TMCO6: variants seen among roughly 807,000 people sequenced by gnomAD.
The protein encoded by TMCO6 is transmembrane and coiled-coil domains 6, also known as transmembrane and coiled-coil domain-containing protein 6.
TMCO6 carries 47 observed loss-of-function variants against 61.8 expected under a neutral mutation model. The observed-to-expected ratio is 0.76, with a 90% CI of 0.60 to 0.97. The LOEUF is 0.97. Ranked by LOEUF, TMCO6 falls within the 50% of genes least tolerant of loss-of-function variation. The pLI is 0.00. For synonymous variants in TMCO6, 261 were observed against 254.2 expected (o/e 1.03, Z -0.25); for missense variants, 557 against 601.6 (o/e 0.93, Z 0.78).
chr5:140,647,006 T>G (rs1436859717), downstream of TMCO6: 1 of 451,370 alleles, frequency 2.2e-6, no homozygotes, highest in African/African-American at 2.0e-5. Flanking sequence ...AGCCCATTCT[T>G]AACTACAAAA....
chr5:140,609,427 T>A, the TMCO6 span: 1 of 197,450 alleles, frequency 5.1e-6, no homozygotes, highest in Non-Finnish European at 1.1e-5. Context: ...GTGAGCATAA[T>A]AAAATCTTTA....
At chr5:140,635,483 C>G (rs1227059049), upstream of TMCO6, among the ~76,000 whole-genome samples, 4 of 152,216 alleles carry the variant, frequency 2.6e-5, no homozygotes, top group Non-Finnish European at 5.9e-5. Context: ...CCACTGAAGT[C>G]TGACACCTCA....
In TMCO6 at chr5:140,645,273, G is replaced by C; in HGVS notation, c.*175G>C. On this transcript the variant is annotated 3_prime_UTR_variant, in exon 12 of 12. Coordinates refer to ENST00000394671, the MANE Select transcript of TMCO6 (RefSeq NM_018502.5). ...TCCACTCAGCACTATCCAGGCAGGA[G>C]GACCAAAAGGGACTCAGTGTGGTCT... 2 of 714,348 alleles carry C rather than the reference G, an allele frequency of 2.8e-6. No homozygotes were observed. Among genetic ancestry groups the C allele is most frequent in the Non-Finnish European group, 4.8e-6 (2 of 418,826 alleles). 44.3% of individuals were successfully genotyped at this position (714,348 alleles called of 1,614,324 possible). A position where few individuals can be genotyped will look rare whatever the true frequency, so the allele number is the denominator to read the frequency against.
the TMCO6 span, among the ~76,000 whole-genome samples, chr5:140,605,062 G>A: frequency 6.6e-6 from 1 of 152,008 alleles, no homozygotes; most frequent in African/African-American, 2.4e-5. Context: ...TAACCTCTTT[G>A]GTAATTGTAT....
the TMCO6 span, among the ~76,000 whole-genome samples, chr5:140,625,068 G>A: frequency 0.021 from 3,210 of 151,932 alleles, 104 homozygotes; most frequent in African/African-American, 0.072. Flanking sequence ...TGGCCAGGCT[G>A]ATCTCAAACT....
At chr5:140,644,876 C>A in intron 11 of TMCO6, 109 bp from the exon 12 acceptor site, 2 of 1,503,794 alleles carry the variant, frequency 1.3e-6, no homozygotes, top group Non-Finnish European at 9.1e-7. Context: ...GAAACTTCAT[C>A]CTCTTGTTGG....
At chr5:140,621,834 T>G in the TMCO6 span, among the ~76,000 whole-genome samples, 1 of 151,870 alleles carries the variant, frequency 6.6e-6, no homozygotes, top group South Asian at 2.1e-4. Flanking sequence ...GCTGTAGGAG[T>G]GAAATAGACC....
At chr5:140,637,747 T>C (rs1293995203), upstream of TMCO6, among the ~76,000 whole-genome samples, 4 of 152,206 alleles carry the variant, frequency 2.6e-5, no homozygotes, top group Non-Finnish European at 5.9e-5. Flanking sequence ...CACAATCCTT[T>C]ATCTTAACCC....
At chr5:140,633,372 G>T in the TMCO6 span, 1 of 537,602 alleles carries the variant, frequency 1.9e-6, no homozygotes, top group South Asian at 2.0e-5. Context: ...AGGGTTCTGT[G>T]TCTCCTGGCA....
At chr5:140,633,067 A>G in the TMCO6 span, 1 of 1,613,918 alleles carries the variant, frequency 6.2e-7, no homozygotes, top group South Asian at 1.1e-5. Context: ...CCCTACACTC[A>G]CCATGGTCGA....
At chr5:140,632,456 G>C in the TMCO6 span, 7 of 1,614,204 alleles carry the variant, frequency 4.3e-6, no homozygotes, top group Non-Finnish European at 5.9e-6. This position sits in a 1 kb window ranked among gnomAD's most constrained non-coding sequence, Gnocchi z 6.2. Flanking sequence ...CTTGGGCAAT[G>C]CTCAGTACCT....
At chr5:140,633,136 T>C in the TMCO6 span, 10 of 1,604,764 alleles carry the variant, frequency 6.2e-6, no homozygotes, top group South Asian at 8.9e-5. Flanking sequence ...GCTTCTTTCC[T>C]ACACAGCGGC....
chr5:140,612,186 G>A, the TMCO6 span, among the ~76,000 whole-genome samples: 18 of 152,266 alleles, frequency 1.2e-4, no homozygotes, highest in African/African-American at 4.3e-4. Context: ...CATAAAGTCT[G>A]TCACATCACA....
chr5:140,632,006 C>T, the TMCO6 span: 4 of 1,614,110 alleles, frequency 2.5e-6, no homozygotes, highest in South Asian at 1.1e-5. This position sits in a 1 kb window ranked among gnomAD's most constrained non-coding sequence, Gnocchi z 6.2. Flanking sequence ...GATTCCCGTC[C>T]AGTGTCAGGT....
chr5:140,641,799 G>A lies in TMCO6; in HGVS notation c.314+19G>A. On this transcript the variant is annotated intron_variant, in intron 3 of 11. Transcript: ENST00000394671. The stretch of plus-strand genomic sequence containing the variant: ...TCATCCGGTCAGTGTGGATGGTGTG[G>A]TGGAGGGAGGAGTTGGGGCTCTGAG... 6.2e-7 allele frequency: 1 copy of A among 1,614,214 alleles called. No homozygotes were observed. The highest frequency in any genetic ancestry group is 8.5e-7 in the Non-Finnish European group (1 of 1,180,024).
At chr5:140,627,318 C>A in the TMCO6 span, among the ~76,000 whole-genome samples, 1 of 152,024 alleles carries the variant, frequency 6.6e-6, no homozygotes, top group Non-Finnish European at 1.5e-5. Flanking sequence ...TCCAGCATAG[C>A]TAGAGGGCAT....
the TMCO6 span, among the ~76,000 whole-genome samples, chr5:140,598,258 G>C: frequency 1.3e-5 from 2 of 151,368 alleles, no homozygotes; most frequent in African/African-American, 4.9e-5. Flanking sequence ...CCAGGCTGGA[G>C]TGCAGTGGCA....
At chr5:140,604,025 C>A in the TMCO6 span, among the ~76,000 whole-genome samples, 1 of 152,140 alleles carries the variant, frequency 6.6e-6, no homozygotes, top group Non-Finnish European at 1.5e-5. Context: ...AAAAATTTAT[C>A]ATTATAGCAG....
the TMCO6 span, among the ~76,000 whole-genome samples, chr5:140,623,216 T>A: frequency 6.6e-6 from 1 of 152,226 alleles, no homozygotes; most frequent in Non-Finnish European, 1.5e-5. Context: ...TTATCTCTCC[T>A]CCTTTCCCAG....
Sources: gnomAD v4.1 joint callset for allele counts (sites outside exome capture counted in the v4.1 genomes callset) on GRCh38, gnomAD v4.1.1 for gene constraint, Gnocchi (gnomAD v3.1) non-coding constraint, MANE v1.5 for transcripts, NCBI Gene and HGNC (gene_info 2026-07-23, HGNC 2026-07-21) for gene names.